CADM2: variants seen among roughly 807,000 people sequenced by gnomAD.
CADM2 encodes immunoglobulin superfamily member 4D.
CADM2 carries 12 observed loss-of-function variants against 49.8 expected under a neutral mutation model. The observed-to-expected ratio is 0.24, with a 90% CI of 0.15 to 0.39. The LOEUF (loss-of-function observed/expected upper bound fraction) is 0.39. Among genes scored for constraint, CADM2 ranks in the 10% least tolerant of loss-of-function variants. The pLI is 1.00. For missense variants in CADM2, 378 were observed against 492.3 expected (o/e 0.77, Z 2.20); for synonymous variants, 214 against 175.4 (o/e 1.22, Z -1.74).
intron 1 of CADM2, among the ~76,000 whole-genome samples, chr3:85,384,308 T>C (rs963496278): frequency 2.0e-5 from 3 of 152,140 alleles, no homozygotes; most frequent in Non-Finnish European, 4.4e-5. Context: ...TTCTTTTTTT[T>C]CTTCTATTTT....
At chr3:85,007,469 C>T (rs1266377885) in intron 1 of CADM2, among the ~76,000 whole-genome samples, 1 of 152,154 alleles carries the variant, frequency 6.6e-6, no homozygotes, top group Non-Finnish European at 1.5e-5. Flanking sequence ...CAAAGTTTCT[C>T]AACCAACCCC....
intron 1 of CADM2, among the ~76,000 whole-genome samples, chr3:85,392,789 TAAAAC>T (rs947921590): frequency 3.3e-5 from 5 of 152,122 alleles, no homozygotes; most frequent in Admixed American, 6.6e-5. Flanking sequence ...ACTTAATAAA[TAAAAC>T]AAAGCAAAAC....
intron 1 of CADM2, among the ~76,000 whole-genome samples, chr3:85,411,109 A>G (rs1459733188): frequency 6.6e-6 from 1 of 152,240 alleles, no homozygotes; most frequent in African/African-American, 2.4e-5. Context: ...ACTGTAGGTT[A>G]TATATAGAGT....
At chr3:85,358,837 T>G (rs1386622841) in intron 1 of CADM2, among the ~76,000 whole-genome samples, 1 of 152,168 alleles carries the variant, frequency 6.6e-6, no homozygotes, top group East Asian at 1.9e-4. Flanking sequence ...AGTGGCTGGT[T>G]AACCAAACAT....
chr3:84,989,798 C>T (rs2032780964), intron 1 of CADM2, among the ~76,000 whole-genome samples: 2 of 151,836 alleles, frequency 1.3e-5, no homozygotes, highest in Non-Finnish European at 2.9e-5. Flanking sequence ...AACTTAGCAC[C>T]TTGCTTGTCA....
intron 2 of CADM2, among the ~76,000 whole-genome samples, chr3:85,775,731 T>C (rs1272948892): frequency 1.3e-5 from 2 of 151,848 alleles, no homozygotes; most frequent in Non-Finnish European, 3.0e-5. Context: ...TTCAGTTATA[T>C]ACAATCTGAT....
intron 1 of CADM2, among the ~76,000 whole-genome samples, chr3:85,484,039 G>T (rs1439393394): frequency 6.6e-6 from 1 of 151,656 alleles, no homozygotes; most frequent in African/African-American, 2.4e-5. Context: ...TGTCTGCTCA[G>T]AAAATATCCA....
chr3:85,478,592 A>G lies in CADM2; in HGVS notation c.62-247930A>G, dbSNP rs562887306. Among the ~76,000 whole-genome samples the G allele has an allele frequency of 8.9e-5, 13 of 145,416 alleles. No individual in the cohort carries two copies. In the South Asian group the frequency reaches 2.9e-3, roughly 32 times the overall value. On this transcript the variant is annotated intron_variant, in intron 1 of 9. Transcript: ENST00000383699. ...AAAATGGGAACTTATCCATTTCCTA[A>G]GGTAAGAAGCAACCCAGGGAATTTA...
intron 1 of CADM2, among the ~76,000 whole-genome samples, chr3:85,510,376 A>AT (rs2040560185): frequency 6.6e-6 from 1 of 152,066 alleles, no homozygotes. Flanking sequence ...AAATCAGCAT[A>AT]TTCCAATTAG....
chr3:85,084,252 G>C (rs926992934), intron 1 of CADM2, among the ~76,000 whole-genome samples: 1 of 152,138 alleles, frequency 6.6e-6, no homozygotes, highest in Non-Finnish European at 1.5e-5. Context: ...GTATACCAGA[G>C]TTTCTTTCTA....
chr3:85,582,663 A>C (rs977992923), intron 1 of CADM2, among the ~76,000 whole-genome samples: 1 of 152,062 alleles, frequency 6.6e-6, no homozygotes, highest in Non-Finnish European at 1.5e-5. Flanking sequence ...TCATAATCTC[A>C]GCTACACAGA....
At chr3:85,908,029 A>G (rs1717036446) in intron 5 of CADM2, among the ~76,000 whole-genome samples, 1 of 152,154 alleles carries the variant, frequency 6.6e-6, no homozygotes, top group Admixed American at 6.6e-5. Flanking sequence ...AAGGCATATA[A>G]GCACCACTGT....
chr3:85,650,700 T>A (rs577095206), intron 1 of CADM2, among the ~76,000 whole-genome samples: 5 of 151,796 alleles, frequency 3.3e-5, no homozygotes, highest in Non-Finnish European at 5.9e-5. Context: ...CCATGAGCCC[T>A]CCAGGTGATT....
intron 1 of CADM2, among the ~76,000 whole-genome samples, chr3:84,993,471 AT>A (rs1041863369): frequency 6.6e-6 from 1 of 152,184 alleles, no homozygotes; most frequent in Non-Finnish European, 1.5e-5. Context: ...AACAGTTAAA[AT>A]CAAGTTACTT....
At chr3:85,191,260 C>A (rs1001970124) in intron 1 of CADM2, among the ~76,000 whole-genome samples, 3 of 151,724 alleles carry the variant, frequency 2.0e-5, no homozygotes, top group Non-Finnish European at 4.4e-5. Context: ...TATTCATATA[C>A]CATTAGAAAA....
chr3:85,497,050 T>C (rs1166192208), intron 1 of CADM2, among the ~76,000 whole-genome samples: 1 of 152,094 alleles, frequency 6.6e-6, no homozygotes, highest in Non-Finnish European at 1.5e-5. Flanking sequence ...GATTTCACCA[T>C]GTTGGCCAGG....
intron 1 of CADM2, among the ~76,000 whole-genome samples, chr3:85,523,889 G>C (rs1404349342): frequency 2.6e-5 from 4 of 152,050 alleles, no homozygotes; most frequent in Admixed American, 1.3e-4. Context: ...AAAATAAGTA[G>C]GGATGCATTT....
chr3:85,661,440 G>C (rs187458847), intron 1 of CADM2, among the ~76,000 whole-genome samples: 3 of 152,140 alleles, frequency 2.0e-5, no homozygotes, highest in Admixed American at 2.0e-4. Flanking sequence ...AAATGAAAAA[G>C]ATGCTAGTTG....
chr3:85,523,468 A>G (rs913444465), intron 1 of CADM2, among the ~76,000 whole-genome samples: 1 of 152,160 alleles, frequency 6.6e-6, no homozygotes, highest in Non-Finnish European at 1.5e-5. Flanking sequence ...GCTTAAGTAT[A>G]TGTTAAACAA....
Sources: gnomAD v4.1 joint callset for allele counts (sites outside exome capture counted in the v4.1 genomes callset) on GRCh38, gnomAD v4.1.1 for gene constraint, MANE v1.5 for transcripts, NCBI Gene and HGNC (gene_info 2026-07-23, HGNC 2026-07-21) for gene names.